Variants in NRG3 observed in about 807,000 individuals in gnomAD.
NRG3 encodes neuregulin 3.
In NRG3, 31 loss-of-function variants were observed where a neutral mutation model predicts 66.9. The ratio of observed to expected loss-of-function variants is 0.46; its 90% confidence interval spans 0.35 to 0.63. The LOEUF (loss-of-function observed/expected upper bound fraction) is 0.63, where lower values mean the gene tolerates loss of function less well. Ranked by LOEUF, NRG3 falls within the 20% of genes least tolerant of loss-of-function variation. NRG3 has a pLI of 0.00. For missense variants in NRG3, 910 were observed against 878.9 expected, an observed-to-expected ratio of 1.04 and a Z score of -0.45; for synonymous variants, 393 against 359.4, an observed-to-expected ratio of 1.09 and a Z score of -1.06.
intron 3 of NRG3, among the ~76,000 whole-genome samples, chr10:82,816,800 A>G (rs2061726540): frequency 6.6e-6 from 1 of 152,186 alleles, no homozygotes; most frequent in South Asian, 2.1e-4. Context: ...GGCTCAGCAG[A>G]GCACGCAGCC....
intron 2 of NRG3, among the ~76,000 whole-genome samples, chr10:82,541,933 T>C (rs912187546): frequency 1.3e-5 from 2 of 152,152 alleles, no homozygotes; most frequent in African/African-American, 4.8e-5. Context: ...TACTTTAAGT[T>C]CTGGGATGCA....
intron 4 of NRG3, among the ~76,000 whole-genome samples, chr10:82,926,601 C>T (rs559911972): frequency 6.6e-5 from 10 of 152,256 alleles, no homozygotes; most frequent in African/African-American, 1.9e-4. Flanking sequence ...TTTGTAATGC[C>T]GGGTAATTAC....
chr10:82,700,131 A>G lies in NRG3; in HGVS notation c.954-38446A>G, dbSNP rs192426334. Among the ~76,000 whole-genome samples, 278 of 152,258 alleles carry G rather than the reference A, an allele frequency of 1.8e-3. 2 individuals are homozygous for G. The highest frequency in any genetic ancestry group is 4.4e-4 in the Non-Finnish European group (30 of 68,018). ...TGAACTTACTTTCAGCGCTTGACAG[A>G]CATTGTGAGTGAAAATTATTTTGAT... On this transcript the variant is annotated intron_variant, in intron 2 of 8. Coordinates refer to ENST00000372141, the MANE Select transcript of NRG3 (RefSeq NM_001010848.4).
intron 3 of NRG3, among the ~76,000 whole-genome samples, chr10:82,773,608 T>G (rs1175468134): frequency 6.6e-6 from 1 of 152,160 alleles, no homozygotes; most frequent in Non-Finnish European, 1.5e-5. Flanking sequence ...CATTTATTTA[T>G]TTTTGTTTTT....
intron 2 of NRG3, among the ~76,000 whole-genome samples, chr10:82,589,670 G>C (rs2046871482): frequency 6.6e-6 from 1 of 152,082 alleles, no homozygotes; most frequent in African/African-American, 2.4e-5. Flanking sequence ...CCCTTTGAGG[G>C]GAGGTAAATG....
intron 1 of NRG3, among the ~76,000 whole-genome samples, chr10:82,243,265 G>T (rs924891071): frequency 2.0e-5 from 3 of 151,958 alleles, no homozygotes; most frequent in East Asian, 3.9e-4. Context: ...ATCAAAATAT[G>T]CAAAAAATCA....
intron 2 of NRG3, among the ~76,000 whole-genome samples, chr10:82,467,409 G>A (rs1162072641): frequency 1.3e-5 from 2 of 152,170 alleles, no homozygotes; most frequent in Non-Finnish European, 2.9e-5. Flanking sequence ...ATATTTAAGA[G>A]GCAGAGGCCC....
intron 2 of NRG3, among the ~76,000 whole-genome samples, chr10:82,670,767 CAGAG>C (rs1441319552): frequency 6.6e-6 from 1 of 152,060 alleles, no homozygotes; most frequent in Non-Finnish European, 1.5e-5. Context: ...AATTTACAAG[CAGAG>C]AGAATTCACC....
chr10:82,532,472 T>G (rs1343052388), intron 2 of NRG3, among the ~76,000 whole-genome samples: 3 of 148,548 alleles, frequency 2.0e-5, no homozygotes, highest in Non-Finnish European at 4.5e-5. Flanking sequence ...TGGATTACTA[T>G]ATATATAGTA....
At chr10:82,968,069 A>G (rs1431723729) in intron 6 of NRG3, among the ~76,000 whole-genome samples, 1 of 152,214 alleles carries the variant, frequency 6.6e-6, no homozygotes, top group African/African-American at 2.4e-5. Context: ...TTCAACCTCA[A>G]TTATCCAATG....
At chr10:82,115,434 T>C (rs1371443087) in intron 1 of NRG3, among the ~76,000 whole-genome samples, 1 of 152,162 alleles carries the variant, frequency 6.6e-6, no homozygotes, top group African/African-American at 2.4e-5. Context: ...CCAATAACTC[T>C]TAGTTTTACT....
intron 2 of NRG3, among the ~76,000 whole-genome samples, chr10:82,546,556 T>C (rs1417076167): frequency 6.6e-6 from 1 of 152,200 alleles, no homozygotes; most frequent in Non-Finnish European, 1.5e-5. Context: ...ATTGTATTTA[T>C]GCTCTAATCC....
chr10:82,704,130 A>G lies in NRG3; in HGVS notation c.954-34447A>G, dbSNP rs1591241944. 6.6e-5 allele frequency among the ~76,000 whole-genome samples: 10 copies of G among 152,258 alleles called. 4 individuals carry two copies. Among genetic ancestry groups the G allele is most frequent in the Admixed American group, 6.5e-4 (10 of 15,272 alleles). On this transcript the variant is annotated intron_variant, in intron 2 of 8. Coordinates refer to ENST00000372141, the MANE Select transcript of NRG3 (RefSeq NM_001010848.4). ...ACTTCTATCATTTGTTCCTTCCTTT[A>G]AGTCTCTGTGCTTCTGTAAACATGT...
chr10:82,966,247 G>A (rs1851197380), intron 6 of NRG3, among the ~76,000 whole-genome samples: 1 of 152,026 alleles, frequency 6.6e-6, no homozygotes, highest in South Asian at 2.1e-4. Context: ...CTAATCCCAG[G>A]TACCGCATTA....
intron 1 of NRG3, among the ~76,000 whole-genome samples, chr10:82,331,416 A>G (rs1270050919): frequency 6.6e-6 from 1 of 152,136 alleles, no homozygotes; most frequent in Non-Finnish European, 1.5e-5. Context: ...CTATAGACCC[A>G]TGGGTTTTAC....
intron 4 of NRG3, among the ~76,000 whole-genome samples, chr10:82,882,901 A>G (rs575652686): frequency 6.6e-6 from 1 of 152,318 alleles, no homozygotes; most frequent in Non-Finnish European, 1.5e-5. Context: ...TGACAAACCA[A>G]TGATTACATT....
Position 82,815,060 on chromosome 10 carries a change from T to A in NRG3, c.1028-50351T>A, listed in dbSNP as rs556204028. Among the ~76,000 whole-genome samples, 10 of 152,338 alleles carry A rather than the reference T, an allele frequency of 6.6e-5. No homozygotes were observed. In the East Asian group the frequency reaches 9.7e-4, roughly 15 times the overall value. On this transcript the variant is annotated intron_variant, in intron 3 of 8. Transcript: ENST00000372141. ...ATGATTGTTGCTCTGAGAGTGTGCA[T>A]TGCGGTCATCGCCGTCCTCCTGGTT...
intron 2 of NRG3, among the ~76,000 whole-genome samples, chr10:82,396,045 A>G (rs921652114): frequency 2.0e-5 from 3 of 152,172 alleles, no homozygotes; most frequent in African/African-American, 7.2e-5. Flanking sequence ...GCTTTTTCTC[A>G]TGGTTATGTA....
chr10:82,257,814 A>G (rs2077811816), intron 1 of NRG3, among the ~76,000 whole-genome samples: 1 of 152,224 alleles, frequency 6.6e-6, no homozygotes. Flanking sequence ...TCTATCTAAC[A>G]AAATAAAATC....
Sources: allele counts gnomAD v4.1 joint callset (sites outside exome capture counted in the v4.1 genomes callset), GRCh38; gene constraint gnomAD v4.1.1; transcripts MANE v1.5; gene names NCBI Gene and HGNC (gene_info 2026-07-23, HGNC 2026-07-21).